The following ABR variants were observed in gnomAD, a reference collection of about 807,000 sequenced individuals.
The protein encoded by ABR is ABR activator of RhoGEF and GTPase.
A neutral mutation model predicts 107.2 loss-of-function variants in ABR; 35 were observed. The observed-to-expected ratio is 0.33, with a 90% CI of 0.25 to 0.43. The LOEUF (loss-of-function observed/expected upper bound fraction) is 0.43, where lower values mean the gene tolerates loss of function less well. Among genes scored for constraint, ABR ranks in the 20% least tolerant of loss-of-function variants. The pLI is 1.00. For synonymous variants in ABR, 498 were observed against 462.0 expected (o/e 1.08, Z -1.00); for missense variants, 815 against 1,115.2 (o/e 0.73, Z 3.83).
Position 1,167,700 on chromosome 17 carries a change from G to A in ABR, c.61+11967C>T, listed in dbSNP as rs140778011. On this transcript the variant is annotated intron_variant, in intron 1 of 22. Coordinates refer to ENST00000302538, the MANE Select transcript of ABR (RefSeq NM_021962.5). ...TGGCTAAGAACTCAGCAGGTTGCCG[G>A]AGGCTAAATGAGATACTGTTAGCAA... Among the ~76,000 whole-genome samples the A allele has an allele frequency of 3.6e-3, 548 of 152,348 alleles. 4 individuals carry two copies. Among genetic ancestry groups the A allele is most frequent in the Non-Finnish European group, 5.7e-3 (391 of 68,034 alleles).
intron 1 of ABR, among the ~76,000 whole-genome samples, chr17:1,215,473 G>A (rs769704482): frequency 3.3e-5 from 5 of 152,202 alleles, no homozygotes; most frequent in Admixed American, 6.5e-5. Context: ...GCTCCTAGCC[G>A]CGAGTGATCT....
chr17:1,198,159 G>A (rs764602717), intron 1 of ABR, among the ~76,000 whole-genome samples: 6 of 151,548 alleles, frequency 4.0e-5, no homozygotes, highest in Non-Finnish European at 8.8e-5. Flanking sequence ...CCCAGTCTCT[G>A]GGGCTGCGGG....
At chr17:1,074,816 C>T (rs1395447066) in intron 6 of ABR, among the ~76,000 whole-genome samples, 1 of 152,170 alleles carries the variant, frequency 6.6e-6, no homozygotes, top group African/African-American at 2.4e-5. Context: ...CGTGGTGGCA[C>T]ATGCCTGTAA....
intron 1 of ABR, among the ~76,000 whole-genome samples, chr17:1,136,090 C>T (rs1324122196): frequency 6.6e-6 from 1 of 152,194 alleles, no homozygotes; most frequent in African/African-American, 2.4e-5. Flanking sequence ...TAGAGTCAGC[C>T]TGTCCTTCTG....
rs2042514488 is a variant in ABR, at chr17:1,194,703, G to C, written c.838+34090C>G. Among the ~76,000 whole-genome samples, 2 of 123,616 alleles carry C rather than the reference G, an allele frequency of 1.6e-5. 1 individual carries two copies. The highest frequency in any genetic ancestry group is 6.0e-4 in the South Asian group (2 of 3,324). 81.1% of individuals were successfully genotyped at this position (123,616 alleles called of 152,430 possible). The stretch of plus-strand genomic sequence containing the variant: ...GAGTCTCGCTCTGTTGCCCAGGCTG[G>C]AGTGCAGTGGTGCGGTCTCAGCTCA... On this transcript the variant is annotated intron_variant, in intron 1 of 22. Coordinates refer to the ABR transcript ENST00000574139.
At position 1,011,478 on chromosome 17, in the gene ABR, A is replaced by C. The variant is rs538037494; in HGVS notation, c.2101+368T>G. ...CAGAGGCAGCACTGCCCCAGAGGGGACCTGGGGCCCTGGAGACAGCAGGTG... is the reference window on the plus strand; with the variant it reads ...CAGAGGCAGCACTGCCCCAGAGGGGCCCTGGGGCCCTGGAGACAGCAGGTG... On this transcript the variant is annotated intron_variant, in intron 19 of 22. Coordinates refer to ENST00000302538, the MANE Select transcript of ABR (RefSeq NM_021962.5). This position sits in a 1 kb window ranked among gnomAD's most constrained non-coding sequence, Gnocchi z 4.8. The C allele has an allele frequency of 2.1e-4, 37 of 176,706 alleles. 1 individual carries two copies. Among genetic ancestry groups the C allele is most frequent in the Non-Finnish European group, 2.4e-4 (20 of 83,520 alleles). 10.9% of individuals were successfully genotyped at this position (176,706 alleles called of 1,614,324 possible).
chr17:1,142,897 T>C (rs2040348121), intron 1 of ABR, among the ~76,000 whole-genome samples: 1 of 152,064 alleles, frequency 6.6e-6, no homozygotes, highest in South Asian at 2.1e-4. Context: ...AGCCCCTCAT[T>C]AGCCCAGCAA....
At chr17:1,063,541 G>T in intron 10 of ABR, among the ~76,000 whole-genome samples, 1 of 141,598 alleles carries the variant, frequency 7.1e-6, no homozygotes, top group African/African-American at 2.6e-5. Context: ...TGAGGGCTAT[G>T]CATGTTCCTC....
At chr17:1,031,235 T>C (rs1318632498) in intron 16 of ABR, among the ~76,000 whole-genome samples, 1 of 152,134 alleles carries the variant, frequency 6.6e-6, no homozygotes, top group African/African-American at 2.4e-5. Flanking sequence ...CAAGGCCCGC[T>C]GGATGCAGGG....
rs2072337009 is a variant in ABR, at chr17:1,027,830, G to A, written c.1792-14666C>T. On this transcript the variant is annotated intron_variant, in intron 16 of 22. Transcript: ENST00000302538. The surrounding 1 kb of genome is among the most constrained non-coding windows in gnomAD (Gnocchi z 4.7). ...GAAGGGCGGTGGGCAGCCGGGCCAGGCCAGACTTCTATTGCAGAAGGCTGC... is the reference window on the plus strand; with the variant it reads ...GAAGGGCGGTGGGCAGCCGGGCCAGACCAGACTTCTATTGCAGAAGGCTGC... 6.6e-6 allele frequency among the ~76,000 whole-genome samples: 1 copy of A among 151,752 alleles called. No individual in the cohort carries two copies. Among genetic ancestry groups the A allele is most frequent in the Admixed American group, 6.6e-5 (1 of 15,242 alleles).
Position 1,179,946 on chromosome 17 carries a change from C to G in ABR, c.-219G>C, listed in dbSNP as rs1269118965. The G allele has an allele frequency of 3.1e-6, 1 of 322,364 alleles. No individual in the cohort carries two copies. Among genetic ancestry groups the G allele is most frequent in the Non-Finnish European group, 5.5e-6 (1 of 182,106 alleles). 20.0% of individuals were successfully genotyped at this position (322,364 alleles called of 1,614,324 possible). A position where few individuals can be genotyped will look rare whatever the true frequency, so the allele number is the denominator to read the frequency against. ...CGAACCCTCCCGGCCCCAGCGGCCG[C>G]GCCGAGCCCAGCTGCGGATCCCGGA... On this transcript the variant is annotated 5_prime_UTR_variant, in exon 1 of 23. Transcript: ENST00000302538. This position sits in a 1 kb window ranked among gnomAD's most constrained non-coding sequence, Gnocchi z 4.9.
intron 1 of ABR, among the ~76,000 whole-genome samples, chr17:1,176,968 A>T (rs2041940359): frequency 6.6e-6 from 1 of 152,152 alleles, no homozygotes; most frequent in Non-Finnish European, 1.5e-5. Flanking sequence ...GTTACCAGGA[A>T]CAATGCTCAG....
At position 1,093,105 on chromosome 17, in the gene ABR, G is replaced by C. The variant is rs143996391; in HGVS notation, c.346-1255C>G. ...CAAAGTGCTGGGATTACGGGCGTGAGCCACCGCGCCCGGCCAGCCATGTCG... is the reference window on the plus strand; with the variant it reads ...CAAAGTGCTGGGATTACGGGCGTGACCCACCGCGCCCGGCCAGCCATGTCG... On this transcript the variant is annotated intron_variant, in intron 3 of 22. Transcript: ENST00000302538. Among the ~76,000 whole-genome samples the C allele has an allele frequency of 4.0e-3, 607 of 151,738 alleles. 26 individuals carry two copies. In the East Asian group the frequency reaches 0.096, roughly 24 times the overall value.
Position 1,070,829 on chromosome 17 carries a change from C to T in ABR, c.895-739G>A, listed in dbSNP as rs929564606. Among the ~76,000 whole-genome samples, 2 of 152,188 alleles carry T rather than the reference C, an allele frequency of 1.3e-5. No homozygotes were observed. The highest frequency in any genetic ancestry group is 2.9e-5 in the Non-Finnish European group (2 of 68,030). ...GTATGATACACGGTGTGACCTACATCTGCTGTAATACGTAGGTGAGCGTAT... is the reference window on the plus strand; with the variant it reads ...GTATGATACACGGTGTGACCTACATTTGCTGTAATACGTAGGTGAGCGTAT... On this transcript the variant is annotated intron_variant, in intron 8 of 22. Transcript: ENST00000302538. The surrounding 1 kb of genome is among the most constrained non-coding windows in gnomAD (Gnocchi z 4.2).
At chr17:1,025,948 G>A (rs931528394) in intron 16 of ABR, among the ~76,000 whole-genome samples, 7 of 152,170 alleles carry the variant, frequency 4.6e-5, no homozygotes, top group Non-Finnish European at 1.0e-4. Flanking sequence ...ATGGCTCCCC[G>A]CCGGGGCTGC....
intron 1 of ABR, among the ~76,000 whole-genome samples, chr17:1,153,415 GGTCCAGGC>G (rs1364060370): frequency 1.3e-5 from 2 of 148,764 alleles, no homozygotes; most frequent in Non-Finnish European, 3.0e-5. Context: ...GAGGGCTGGG[GGTCCAGGC>G]ACACCTGCGG....
rs370172355 is a variant in ABR, at chr17:1,157,512, A to T, written c.61+22155T>A. ...GTGATCTGCCTGCCTCGGCCTCCCA[A>T]AGTGCTGGGATTACAGGCGTGAGCC... On this transcript the variant is annotated intron_variant, in intron 1 of 22. Transcript: ENST00000302538. The surrounding 1 kb of genome is among the most constrained non-coding windows in gnomAD (Gnocchi z 4.7). Among the ~76,000 whole-genome samples, 33 of 151,854 alleles carry T rather than the reference A, an allele frequency of 2.2e-4. No individual in the cohort carries two copies. The highest frequency in any genetic ancestry group is 7.0e-4 in the African/African-American group (29 of 41,254).
intron 1 of ABR, among the ~76,000 whole-genome samples, chr17:1,156,474 AG>A (rs905519117): frequency 3.3e-5 from 5 of 152,232 alleles, no homozygotes; most frequent in African/African-American, 1.2e-4. Context: ...ACCTGACGCC[AG>A]GAGTTCAAGA....
rs1221823652 is a variant in ABR at position 1,071,619 on chromosome 17, A to ACGC, written c.894+992_894+994dup. The stretch of plus-strand genomic sequence containing the variant: ...ACCTGGACGGCCTCCACCACCTCCA[A>ACGC]CGCCAGCCTTTCCTGCTGTGGGCTC... On this transcript the variant is annotated intron_variant, in intron 8 of 22. Transcript: ENST00000302538. The surrounding 1 kb of genome is among the most constrained non-coding windows in gnomAD (Gnocchi z 5.1). 6.6e-6 allele frequency among the ~76,000 whole-genome samples: 1 copy of ACGC among 152,056 alleles called. No homozygotes were observed. The highest frequency in any genetic ancestry group is 1.5e-5 in the Non-Finnish European group (1 of 67,978).
Sources: allele counts gnomAD v4.1 joint callset (sites outside exome capture counted in the v4.1 genomes callset), GRCh38; gene constraint gnomAD v4.1.1; non-coding constraint Gnocchi (gnomAD v3.1); transcripts MANE v1.5; gene names NCBI Gene and HGNC (gene_info 2026-07-23, HGNC 2026-07-21).